Variants in SEMA4D observed in about 807,000 individuals in gnomAD.
SEMA4D encodes semaphorin 4D, also known as semaphorin-4D.
A neutral mutation model predicts 74.8 loss-of-function variants in SEMA4D; 22 were observed. The ratio of observed to expected loss-of-function variants is 0.29; its 90% CI spans 0.21 to 0.42. SEMA4D has a LOEUF of 0.42. Ranked by LOEUF, SEMA4D falls within the 10% of genes least tolerant of loss-of-function variation. The probability of loss-of-function intolerance (pLI) is 1.00; values close to 1 mark genes in which losing one functional copy is unlikely to be tolerated. For missense variants in SEMA4D, 937 were observed against 1,118.4 expected (o/e 0.84, Z 2.31); for synonymous variants, 445 against 463.7 (o/e 0.96, Z 0.52).
At chr9:89,375,399 G>A (rs775658509), downstream of SEMA4D, among the ~76,000 whole-genome samples, 4 of 152,270 alleles carry the variant, frequency 2.6e-5, no homozygotes, top group East Asian at 3.9e-4. Flanking sequence ...GCAAAGCTCC[G>A]TCTCCACAGT....
rs368378782 is a variant in SEMA4D, at chr9:89,403,840, G to A, written c.107-824C>T. ...GCACTTTGGGAGGCCAAGGTGGGACGACTGCTTGTGTCCAGGAGATTGAGG... is the reference window on the plus strand; with the variant it reads ...GCACTTTGGGAGGCCAAGGTGGGACAACTGCTTGTGTCCAGGAGATTGAGG... On this transcript the variant is annotated intron_variant, in intron 3 of 15. Coordinates refer to ENST00000422704, the MANE Select transcript of SEMA4D (RefSeq NM_001371194.2). 2.2e-4 allele frequency among the ~76,000 whole-genome samples: 33 copies of A among 152,274 alleles called. No homozygotes were observed. The East Asian group carries it at 3.5e-3, about 16-fold the overall frequency.
intron 2 of SEMA4D, chr9:89,450,579 G>T: frequency 2.2e-6 from 2 of 896,804 alleles, no homozygotes; most frequent in Non-Finnish European, 3.6e-6. Flanking sequence ...CTTCCAGCCT[G>T]ACCTCTATAA....
chr9:89,442,325 AG>A (rs1851853551), intron 2 of SEMA4D, among the ~76,000 whole-genome samples: 1 of 152,218 alleles, frequency 6.6e-6, no homozygotes, highest in African/African-American at 2.4e-5. Context: ...GCCTGTCAGA[AG>A]AGGAGGGAGC....
At chr9:89,363,710 A>G (rs911964903) in intron 17 of SEMA4D, 1 of 1,603,750 alleles carries the variant, frequency 6.2e-7, no homozygotes, top group Non-Finnish European at 8.5e-7. Context: ...TACCTCATAA[A>G]AGGGTAACAG....
chr9:89,389,138 C>G, intron 9 of SEMA4D, 91 bp from the exon 10 acceptor site: 2 of 1,372,528 alleles, frequency 1.5e-6, no homozygotes, highest in Admixed American at 3.7e-5. Context: ...CATGGCCCAG[C>G]ACAGCGCGGC....
chr9:89,372,458 G>A (rs1055560105), downstream of SEMA4D, among the ~76,000 whole-genome samples: 1 of 151,714 alleles, frequency 6.6e-6, no homozygotes, highest in Non-Finnish European at 1.5e-5. Context: ...CTGGTACCAG[G>A]GTGACTGACT....
chr9:89,367,357 C>A (rs2132329579), intron 16 of SEMA4D: 1 of 152,376 alleles, frequency 6.6e-6, no homozygotes, highest in Non-Finnish European at 1.5e-5. Context: ...CCTGAAAACA[C>A]CACTGTTTTC....
Position 89,393,616 on chromosome 9 carries a change from C to T in SEMA4D, c.454G>A (p.Gly152Ser), listed in dbSNP as rs756558690. The change falls in exon 7 of 16, where the codon GGC becomes AGC. Residue 152 changes from glycine to serine, a missense_variant. Gly to Ser is a moderately conservative substitution (Grantham distance 56). Transcript: ENST00000422704. ...SFKFLGKNED[G>S]KGRCPFDPAH... ...GGGTCAAAGGGACATCTTCCTTTGCCATCTTCATTTTTCCCCAGAAACTTA... is the reference window on the plus strand; with the variant it reads ...GGGTCAAAGGGACATCTTCCTTTGCTATCTTCATTTTTCCCCAGAAACTTA... 1 of 1,614,184 alleles carries T rather than the reference C, an allele frequency of 6.2e-7. No homozygotes were observed. The highest frequency in any genetic ancestry group is 1.7e-5 in the Admixed American group (1 of 60,030).
At chr9:89,395,083 T>A (rs546379006) in intron 6 of SEMA4D, among the ~76,000 whole-genome samples, 1 of 152,232 alleles carries the variant, frequency 6.6e-6, no homozygotes, top group East Asian at 1.9e-4. Context: ...TGCCAGGATA[T>A]ACAAGTGATA....
chr9:89,435,386 T>C (rs1217137367), intron 2 of SEMA4D, among the ~76,000 whole-genome samples: 1 of 152,170 alleles, frequency 6.6e-6, no homozygotes, highest in Non-Finnish European at 1.5e-5. Flanking sequence ...CATTCCTATG[T>C]AAATTCTAGT....
At chr9:89,380,542 G>C (rs574266965) in intron 15 of SEMA4D, among the ~76,000 whole-genome samples, 49 of 152,344 alleles carry the variant, frequency 3.2e-4, no homozygotes, top group African/African-American at 1.2e-3. Context: ...GTCAGGGTCA[G>C]GAAGACACAG....
At chr9:89,413,621 ATGTC>A (rs774562887) in intron 2 of SEMA4D, among the ~76,000 whole-genome samples, 7 of 152,296 alleles carry the variant, frequency 4.6e-5, no homozygotes, top group Admixed American at 1.3e-4. Context: ...ATGCATGTGT[ATGTC>A]TGTGTGCATA....
intron 18 of SEMA4D, among the ~76,000 whole-genome samples, chr9:89,362,667 G>A (rs1324832572): frequency 6.6e-6 from 1 of 152,244 alleles, no homozygotes; most frequent in Non-Finnish European, 1.5e-5. Context: ...GAGGCAGGAG[G>A]GCTGGAGAGA....
chr9:89,361,708 CAG>C (rs1472159953), exon 19 of SEMA4D: 1 of 152,244 alleles, frequency 6.6e-6, no homozygotes, highest in Non-Finnish European at 1.5e-5. Flanking sequence ...ATTGACGGGA[CAG>C]AGGCATAAAC....
chr9:89,450,745 TG>T, intron 2 of SEMA4D: 2 of 1,077,974 alleles, frequency 1.9e-6, no homozygotes, highest in Non-Finnish European at 1.3e-6. Context: ...AAAATGAAGC[TG>T]GGGACCAAGG....
intron 1 of SEMA4D, among the ~76,000 whole-genome samples, chr9:89,487,885 T>C (rs917250275): frequency 2.0e-5 from 3 of 152,232 alleles, no homozygotes; most frequent in Non-Finnish European, 4.4e-5. Context: ...TCCATGCTCA[T>C]TGGTCAAGAG....
At chr9:89,470,500 A>C (rs1188350508) in intron 1 of SEMA4D, among the ~76,000 whole-genome samples, 1 of 152,250 alleles carries the variant, frequency 6.6e-6, no homozygotes, top group South Asian at 2.1e-4. Context: ...AAGGGTACAC[A>C]GTGATGTGGC....
At chr9:89,374,287 G>A (rs890105957), downstream of SEMA4D, among the ~76,000 whole-genome samples, 1 of 152,210 alleles carries the variant, frequency 6.6e-6, no homozygotes, top group Non-Finnish European at 1.5e-5. Context: ...CCACACTGCT[G>A]CAAGCCCACA....
chr9:89,399,532 C>T (rs979377424), intron 4 of SEMA4D, among the ~76,000 whole-genome samples, 194 bp from the exon 5 acceptor site: 1 of 152,164 alleles, frequency 6.6e-6, no homozygotes, highest in Admixed American at 6.5e-5. Context: ...CACTGTGATC[C>T]TTATCCTGAA....
Sources: gnomAD v4.1 joint callset for allele counts (sites outside exome capture counted in the v4.1 genomes callset) on GRCh38, gnomAD v4.1.1 for gene constraint, MANE v1.5 for transcripts, NCBI Gene and HGNC (gene_info 2026-07-23, HGNC 2026-07-21) for gene names.